ADAMTSL3: variants seen among roughly 807,000 people sequenced by gnomAD.
ADAMTSL3 encodes ADAMTS like 3.
A neutral mutation model predicts 201.7 loss-of-function variants in ADAMTSL3; 128 were observed. That is an observed-to-expected ratio of 0.63 (90% CI 0.55 to 0.73). ADAMTSL3 has a LOEUF of 0.73. Among genes scored for constraint, ADAMTSL3 ranks in the 30% least tolerant of loss-of-function variants. The pLI, the probability that ADAMTSL3 is intolerant of heterozygous loss-of-function variation, is 0.00. For synonymous variants in ADAMTSL3, 738 were observed against 748.4 expected (o/e 0.99, Z 0.23); for missense variants, 1,990 against 2,119.6 (o/e 0.94, Z 1.20).
At chr15:83,745,086 G>C (rs1467713584) in intron 3 of ADAMTSL3, among the ~76,000 whole-genome samples, 2 of 152,194 alleles carry the variant, frequency 1.3e-5, no homozygotes, top group African/African-American at 4.8e-5. Context: ...CTGGCAGAGA[G>C]CAGAGAAGAG....
At chr15:83,715,172 C>G (rs1188454075) in intron 3 of ADAMTSL3, among the ~76,000 whole-genome samples, 1 of 152,116 alleles carries the variant, frequency 6.6e-6, no homozygotes, top group Non-Finnish European at 1.5e-5. Context: ...AAACACAATG[C>G]AGGATGTGAG....
intron 10 of ADAMTSL3, among the ~76,000 whole-genome samples, chr15:83,887,999 G>A (rs1444745130): frequency 1.3e-5 from 2 of 152,182 alleles, no homozygotes; most frequent in African/African-American, 4.8e-5. Context: ...TACTCCAGAG[G>A]AGACATTTTA....
chr15:83,836,531 A>G (rs182491719), intron 6 of ADAMTSL3, among the ~76,000 whole-genome samples: 1 of 152,156 alleles, frequency 6.6e-6, no homozygotes, highest in South Asian at 2.1e-4. Context: ...CTCTAGTTTC[A>G]TTTCTTCTTC....
In ADAMTSL3 at chr15:83,684,556, C is replaced by A. The variant is rs181719500; in HGVS notation, c.70-19833C>A. ...AGCCACTGCACTCCAGCCTGGGTAA[C>A]ATAGCAAGACCCCATCTCTAGGGAA... On this transcript the variant is annotated intron_variant, in intron 2 of 29. Transcript: ENST00000286744. Among the ~76,000 whole-genome samples the A allele has an allele frequency of 2.4e-4, 37 of 151,980 alleles. No homozygotes were observed. In the East Asian group the frequency reaches 4.1e-3, roughly 17 times the overall value.
At chr15:83,827,154 A>G (rs1037945391) in intron 6 of ADAMTSL3, among the ~76,000 whole-genome samples, 1 of 152,190 alleles carries the variant, frequency 6.6e-6, no homozygotes, top group Non-Finnish European at 1.5e-5. Context: ...CTATTTCTCC[A>G]CATCCTCTCC....
intron 17 of ADAMTSL3, among the ~76,000 whole-genome samples, chr15:83,932,203 CTG>C (rs535551702): frequency 1.0e-3 from 154 of 152,308 alleles, no homozygotes; most frequent in African/African-American, 3.2e-3. Flanking sequence ...AAGTATGTGA[CTG>C]TATACATCAG....
At chr15:83,700,523 G>A (rs545028236) in intron 2 of ADAMTSL3, among the ~76,000 whole-genome samples, 5 of 152,188 alleles carry the variant, frequency 3.3e-5, no homozygotes, top group Non-Finnish European at 5.9e-5. Context: ...CAGCACTTTG[G>A]GAGGCCAAGG....
intron 3 of ADAMTSL3, among the ~76,000 whole-genome samples, chr15:83,709,431 C>A (rs1596066107): frequency 6.6e-6 from 1 of 152,140 alleles, no homozygotes; most frequent in South Asian, 2.1e-4. Context: ...GGGGTAGATT[C>A]TTTGGTCATT....
chr15:83,827,195 T>C (rs1284807212), intron 6 of ADAMTSL3, among the ~76,000 whole-genome samples: 2 of 152,224 alleles, frequency 1.3e-5, no homozygotes, highest in South Asian at 2.1e-4. Context: ...TTTTTAATGA[T>C]CGCCATTCTA....
At chr15:83,783,265 G>GTATAAC (rs2063206484) in intron 4 of ADAMTSL3, among the ~76,000 whole-genome samples, 1 of 151,688 alleles carries the variant, frequency 6.6e-6, no homozygotes, top group African/African-American at 2.4e-5. Context: ...ATAAAACAAT[G>GTATAAC]TATAACTATT....
chr15:83,879,958 T>C (rs2065241230), intron 9 of ADAMTSL3, among the ~76,000 whole-genome samples: 1 of 152,196 alleles, frequency 6.6e-6, no homozygotes, highest in Non-Finnish European at 1.5e-5. Flanking sequence ...TTTGAGGATA[T>C]CTCCCCATTG....
intron 17 of ADAMTSL3, 151 bp from the exon 18 acceptor site, chr15:83,942,445 C>T (rs941018471): frequency 1.3e-5 from 8 of 629,980 alleles, no homozygotes; most frequent in South Asian, 7.1e-5. Flanking sequence ...GTTTTAATTG[C>T]GTATATTGAT....
intron 15 of ADAMTSL3, among the ~76,000 whole-genome samples, chr15:83,907,478 A>G (rs1300161519): frequency 6.6e-6 from 1 of 152,164 alleles, no homozygotes; most frequent in East Asian, 1.9e-4. Flanking sequence ...ATCTCAGCTC[A>G]CTTCAACACC....
Position 83,892,753 on chromosome 15 carries a change from G to C in ADAMTSL3, c.1332G>C (p.Val444=). The C allele has an allele frequency of 6.2e-7, 1 of 1,614,154 alleles. No individual in the cohort carries two copies. The highest frequency in any genetic ancestry group is 8.5e-7 in the Non-Finnish European group (1 of 1,180,020). Residue 444 remains valine (V), a synonymous_variant, in exon 13 of 30, where the codon GTG becomes GTC. Coordinates refer to ENST00000286744, the MANE Select transcript of ADAMTSL3 (RefSeq NM_207517.3). ...CGGGIQRRSF[V]CVEESMHGEI... is the part of the protein sequence containing the mutation. ...GAGGGATTCAGAGACGGAGCTTTGT[G>C]TGTGTAGAGGAATCCATGCATGGAG...
intron 5 of ADAMTSL3, among the ~76,000 whole-genome samples, chr15:83,819,503 A>G (rs546018160): frequency 1.3e-5 from 2 of 152,262 alleles, no homozygotes; most frequent in East Asian, 3.9e-4. Flanking sequence ...CAAGATGGTT[A>G]AAATAGGGCA....
chr15:83,742,499 C>T (rs1210094825), intron 3 of ADAMTSL3, among the ~76,000 whole-genome samples: 1 of 151,984 alleles, frequency 6.6e-6, no homozygotes, highest in Non-Finnish European at 1.5e-5. Context: ...AGAGTTAAAG[C>T]TTTCAAAAGG....
intron 6 of ADAMTSL3, among the ~76,000 whole-genome samples, chr15:83,829,776 C>T (rs1409322560): frequency 1.3e-5 from 2 of 152,142 alleles, no homozygotes; most frequent in African/African-American, 2.4e-5. Flanking sequence ...GCCTTCATTT[C>T]CTTATGTACC....
intron 9 of ADAMTSL3, among the ~76,000 whole-genome samples, chr15:83,883,164 ATTTTAT>A (rs2065311034): frequency 6.7e-6 from 1 of 149,842 alleles, no homozygotes; most frequent in Non-Finnish European, 1.5e-5. Flanking sequence ...ATTTTATTTT[ATTTTAT>A]TTTATTTTAT....
chr15:83,933,974 A>G (rs1469948819), intron 17 of ADAMTSL3, among the ~76,000 whole-genome samples: 1 of 152,226 alleles, frequency 6.6e-6, no homozygotes, highest in African/African-American at 2.4e-5. Context: ...TGGAGCCTTC[A>G]TGGAGAACCT....
Sources: gnomAD v4.1 joint callset for allele counts (sites outside exome capture counted in the v4.1 genomes callset) on GRCh38, gnomAD v4.1.1 for gene constraint, MANE v1.5 for transcripts, NCBI Gene and HGNC (gene_info 2026-07-23, HGNC 2026-07-21) for gene names.